Variants in SPRED1 observed in about 807,000 individuals in gnomAD.
The protein encoded by SPRED1 is sprouty related EVH1 domain containing 1.
SPRED1 carries 18 observed loss-of-function variants against 52.3 expected under a neutral mutation model. That is an observed-to-expected ratio of 0.34 (90% CI 0.24 to 0.51). The LOEUF is 0.51. SPRED1 is among the 20% of genes least tolerant of loss of function. The probability of loss-of-function intolerance (pLI) is 0.97; values close to 1 mark genes in which losing one functional copy is unlikely to be tolerated. For synonymous variants in SPRED1, 155 were observed against 179.7 expected (o/e 0.86, Z 1.10); for missense variants, 485 against 551.0 (o/e 0.88, Z 1.20).
At chr15:38,272,388 C>T (rs1235091758) in intron 1 of SPRED1, among the ~76,000 whole-genome samples, 1 of 151,564 alleles carries the variant, frequency 6.6e-6, no homozygotes, top group Non-Finnish European at 1.5e-5. Context: ...CCTGCCTCAG[C>T]CTCCCAAGTA....
At chr15:38,334,223 C>T (rs748788682) in intron 4 of SPRED1, among the ~76,000 whole-genome samples, 1 of 151,606 alleles carries the variant, frequency 6.6e-6, no homozygotes, top group Admixed American at 6.6e-5. Flanking sequence ...AAATATTGTT[C>T]AGGGATATTT....
At chr15:38,262,470 A>G (rs1894226161) in intron 1 of SPRED1, among the ~76,000 whole-genome samples, 2 of 152,198 alleles carry the variant, frequency 1.3e-5, no homozygotes, top group African/African-American at 2.4e-5. Flanking sequence ...GAGAGCATGG[A>G]ATGGGGGAAG....
chr15:38,260,424 TA>T (rs1178028537), intron 1 of SPRED1, among the ~76,000 whole-genome samples: 1 of 152,180 alleles, frequency 6.6e-6, no homozygotes, highest in Non-Finnish European at 1.5e-5. Flanking sequence ...TCATCTTAAC[TA>T]ATAAGGTCAT....
chr15:38,281,395 T>A (rs1894684359), intron 1 of SPRED1, among the ~76,000 whole-genome samples: 1 of 152,002 alleles, frequency 6.6e-6, no homozygotes, highest in African/African-American at 2.4e-5. Context: ...CTAAGTTCTG[T>A]TTTTTTGATT....
At chr15:38,293,655 C>A (rs1030119123) in intron 1 of SPRED1, among the ~76,000 whole-genome samples, 2 of 152,158 alleles carry the variant, frequency 1.3e-5, no homozygotes, top group African/African-American at 4.8e-5. Context: ...ATTCTGCTTT[C>A]TTGCTTATTA....
intron 1 of SPRED1, among the ~76,000 whole-genome samples, chr15:38,289,744 C>T (rs1180691733): frequency 6.6e-6 from 1 of 152,102 alleles, no homozygotes; most frequent in East Asian, 1.9e-4. Flanking sequence ...TGGATGGGCT[C>T]TAGGAACTGG....
At chr15:38,298,502 C>T in intron 1 of SPRED1, 1 of 320,014 alleles carries the variant, frequency 3.1e-6, no homozygotes, top group Non-Finnish European at 5.9e-6. Flanking sequence ...AATTAGAGGA[C>T]TACTTAGTTA....
At chr15:38,334,756 T>C (rs1221307474) in intron 4 of SPRED1, among the ~76,000 whole-genome samples, 1 of 152,030 alleles carries the variant, frequency 6.6e-6, no homozygotes, top group Non-Finnish European at 1.5e-5. Context: ...TTGATTCTTG[T>C]TTTCTTTGAT....
At chr15:38,326,209 A>T (rs898104274) in intron 4 of SPRED1, 1 of 152,294 alleles carries the variant, frequency 6.6e-6, no homozygotes, top group Non-Finnish European at 1.5e-5. Context: ...CAACAATGTC[A>T]TGGCAGTAAT....
At chr15:38,269,003 C>T (rs1360275839) in intron 1 of SPRED1, among the ~76,000 whole-genome samples, 3 of 150,540 alleles carry the variant, frequency 2.0e-5, no homozygotes, top group Non-Finnish European at 2.9e-5. Flanking sequence ...TGCAGTGGCG[C>T]GATCTCGGCT....
Position 38,280,005 on chromosome 15 carries a change from A to G in SPRED1, c.33-19368A>G, listed in dbSNP as rs573611532. ...AACTTGCTGGAACTATTACAGTTGC[A>G]TGTGTCAGTCTCAGTGGAAACTTGG... On this transcript the variant is annotated intron_variant, in intron 1 of 6. Coordinates refer to ENST00000299084, the MANE Select transcript of SPRED1 (RefSeq NM_152594.3). Among the ~76,000 whole-genome samples the G allele has an allele frequency of 6.9e-4, 105 of 152,272 alleles. No homozygotes were observed. The South Asian group carries it at 0.011, about 15-fold the overall frequency.
chr15:38,335,121 G>A (rs1019175993), intron 4 of SPRED1, among the ~76,000 whole-genome samples: 1 of 151,776 alleles, frequency 6.6e-6, no homozygotes, highest in African/African-American at 2.4e-5. Context: ...ATAAAATTGG[G>A]CTTTATCTTG....
At chr15:38,337,180 A>AGT (rs1410465423) in intron 4 of SPRED1, among the ~76,000 whole-genome samples, 2 of 152,192 alleles carry the variant, frequency 1.3e-5, no homozygotes, top group Admixed American at 1.3e-4. Context: ...ATTAGCAATG[A>AGT]GTATGCCTGT....
At position 38,279,011 on chromosome 15, in the gene SPRED1, A is replaced by G. The variant is rs529326936; in HGVS notation, c.33-20362A>G. 4.6e-5 allele frequency among the ~76,000 whole-genome samples: 7 copies of G among 152,178 alleles called. 1 individual carries two copies. In the South Asian group the frequency reaches 1.5e-3, roughly 32 times the overall value. ...CCTGGCTAATTTTTGTATTTTTACT[A>G]GAGACAGGGTTTCACCATGTTGGTC... On this transcript the variant is annotated intron_variant, in intron 1 of 6. Transcript: ENST00000299084.
At chr15:38,319,228 T>A (rs1895551640) in intron 2 of SPRED1, among the ~76,000 whole-genome samples, 1 of 152,212 alleles carries the variant, frequency 6.6e-6, no homozygotes, top group African/African-American at 2.4e-5. Flanking sequence ...TTGCAGTAAT[T>A]TATGACACTA....
At chr15:38,343,820 A>C (rs1360842046) in intron 5 of SPRED1, among the ~76,000 whole-genome samples, 2 of 152,158 alleles carry the variant, frequency 1.3e-5, no homozygotes, top group African/African-American at 2.4e-5. Flanking sequence ...TGCTTTACTT[A>C]TATAACTCAT....
intron 1 of SPRED1, among the ~76,000 whole-genome samples, chr15:38,279,273 C>G (rs944502084): frequency 6.6e-6 from 1 of 152,122 alleles, no homozygotes; most frequent in African/African-American, 2.4e-5. Context: ...AAGAATTCTA[C>G]CACATTTTCT....
At chr15:38,340,303 A>G (rs1342147884) in intron 5 of SPRED1, among the ~76,000 whole-genome samples, 5 of 152,164 alleles carry the variant, frequency 3.3e-5, no homozygotes, top group Admixed American at 6.5e-5. Context: ...AATTGAAGTG[A>G]TTCTATTTTT....
Position 38,298,080 on chromosome 15 carries a change from A to C in SPRED1, c.33-1293A>C, listed in dbSNP as rs567097376. Among the ~76,000 whole-genome samples, 63 of 152,322 alleles carry C rather than the reference A, an allele frequency of 4.1e-4. No homozygotes were observed. In the South Asian group the frequency reaches 0.013, roughly 31 times the overall value. On this transcript the variant is annotated intron_variant, in intron 1 of 6. Transcript: ENST00000299084. ...ATGGTCACAGACTTAAAAACAAGAT[A>C]AACAAATGGCCAAAAAGCACATGAA...
Sources: allele counts gnomAD v4.1 joint callset (sites outside exome capture counted in the v4.1 genomes callset), GRCh38; gene constraint gnomAD v4.1.1; transcripts MANE v1.5; gene names NCBI Gene and HGNC (gene_info 2026-07-23, HGNC 2026-07-21).